The following CACUL1 variants were observed in gnomAD, a reference collection of about 807,000 sequenced individuals.
CACUL1 encodes CDK2 associated cullin domain 1.
In CACUL1, 13 loss-of-function variants were observed where a neutral mutation model predicts 45.2. The ratio of observed to expected loss-of-function variants is 0.29; its 90% confidence interval spans 0.19 to 0.46. The LOEUF (loss-of-function observed/expected upper bound fraction) is 0.46. Ranked by LOEUF, CACUL1 falls within the 20% of genes least tolerant of loss-of-function variation. CACUL1 has a pLI of 1.00. For missense variants in CACUL1, 421 were observed against 471.4 expected (o/e 0.89, Z 0.99); for synonymous variants, 197 against 174.2 (o/e 1.13, Z -1.03).
rs1348417988 is a variant in CACUL1, at chr10:118,678,308, T to A, written c.*7820A>T. ...CAATCAATGGTAGCCAAATTACTTA[T>A]CTACTGATAGTCTGCATTTTCTATC... On this transcript the variant is annotated 3_prime_UTR_variant, in exon 9 of 9. Coordinates refer to ENST00000369151, the MANE Select transcript of CACUL1 (RefSeq NM_153810.5). The A allele has an allele frequency of 6.6e-6, 1 of 152,248 alleles. No individual in the cohort carries two copies. The highest frequency in any genetic ancestry group is 1.5e-5 in the Non-Finnish European group (1 of 68,036). 9.4% of individuals were successfully genotyped at this position (152,248 alleles called of 1,614,324 possible).
intron 3 of CACUL1, chr10:118,726,205 C>T: frequency 1.4e-6 from 1 of 724,598 alleles, no homozygotes; most frequent in South Asian, 1.5e-5. Flanking sequence ...TGAAAACTGC[C>T]TTAAGGTCTC....
At chr10:118,731,947 G>T (rs1213286960) in intron 1 of CACUL1, among the ~76,000 whole-genome samples, 1 of 152,214 alleles carries the variant, frequency 6.6e-6, no homozygotes, top group Non-Finnish European at 1.5e-5. Flanking sequence ...GAATAAAGGA[G>T]TGTTTTGACT....
Position 118,729,367 on chromosome 10 carries a change from G to C in CACUL1, c.525C>G (p.His175Gln). 6.2e-7 allele frequency: 1 copy of C among 1,612,168 alleles called. No homozygotes were observed. The highest frequency in any genetic ancestry group is 8.5e-7 in the Non-Finnish European group (1 of 1,179,798). Residue 175 changes from histidine (H) to glutamine (Q), a missense_variant, in exon 3 of 9, where the codon CAC (histidine) becomes CAG (glutamine). This residue lies in a region of CACUL1 where 208 missense variants were observed against 298.4 expected (regional missense o/e 0.70). Coordinates refer to ENST00000369151, the MANE Select transcript of CACUL1 (RefSeq NM_153810.5). ...SCVYKCVCQQ[H>Q]SEQMYSDLIK... ...TCAGATCACTATACATCTGTTCCGA[G>C]TGCTGCTGGCATACACATTTATACA...
At chr10:118,751,568 T>C (rs577579086) in intron 1 of CACUL1, among the ~76,000 whole-genome samples, 1 of 152,292 alleles carries the variant, frequency 6.6e-6, no homozygotes, top group Non-Finnish European at 1.5e-5. Context: ...TGGTCTATTT[T>C]TCTGTTCTCG....
chr10:118,721,516 T>C (rs1589612103), intron 3 of CACUL1, among the ~76,000 whole-genome samples: 3 of 152,334 alleles, frequency 2.0e-5, no homozygotes, highest in East Asian at 3.9e-4. Context: ...AAAAGTGAAA[T>C]ACTTAAAACT....
chr10:118,691,140 G>A (rs892990736), intron 7 of CACUL1, 125 bp downstream of exon 7: 5 of 779,428 alleles, frequency 6.4e-6, no homozygotes, highest in African/African-American at 1.7e-5. Context: ...ATGTCTTCTT[G>A]CAGCAGCAAG....
chr10:118,743,420 A>G (rs190438123), intron 1 of CACUL1, among the ~76,000 whole-genome samples: 54 of 152,244 alleles, frequency 3.5e-4, no homozygotes, highest in African/African-American at 9.9e-4. Context: ...AGTACCCAGG[A>G]AAAAAAGGGG....
At chr10:118,722,157 C>G (rs971009932) in intron 3 of CACUL1, among the ~76,000 whole-genome samples, 1 of 151,224 alleles carries the variant, frequency 6.6e-6, no homozygotes, top group East Asian at 1.9e-4. Flanking sequence ...GATCTCGGCT[C>G]ACTGCAACCT....
At chr10:118,714,804 G>A (rs1845526149) in intron 3 of CACUL1, among the ~76,000 whole-genome samples, 1 of 152,006 alleles carries the variant, frequency 6.6e-6, no homozygotes, top group Non-Finnish European at 1.5e-5. Context: ...TTTCATCTGG[G>A]ACATTCTTAA....
intron 1 of CACUL1, among the ~76,000 whole-genome samples, chr10:118,731,481 C>A (rs1470038891): frequency 6.6e-6 from 1 of 152,156 alleles, no homozygotes; most frequent in African/African-American, 2.4e-5. Context: ...CAATCCACTT[C>A]TGTTATTTAA....
chr10:118,691,808 A>G (rs907407559), intron 6 of CACUL1, among the ~76,000 whole-genome samples: 1 of 140,674 alleles, frequency 7.1e-6, no homozygotes, highest in Non-Finnish European at 1.5e-5. Flanking sequence ...CGGAGCTTGC[A>G]GTGAGCCGAG....
intron 1 of CACUL1, among the ~76,000 whole-genome samples, chr10:118,733,660 T>C (rs1391046008): frequency 6.6e-6 from 1 of 152,246 alleles, no homozygotes; most frequent in Non-Finnish European, 1.5e-5. Flanking sequence ...CTAGATCCTC[T>C]TGTTAAGAGA....
chr10:118,721,119 A>G (rs951582854), intron 3 of CACUL1, among the ~76,000 whole-genome samples: 1 of 152,264 alleles, frequency 6.6e-6, no homozygotes, highest in African/African-American at 2.4e-5. Context: ...TACACTTTGT[A>G]GTACAAGAGA....
In CACUL1 at chr10:118,691,254, AAAC is replaced by A. The variant is rs1413703287; in HGVS notation, c.1025+8_1025+10del. 1 of 1,607,160 alleles carries A rather than the reference AAAC, an allele frequency of 6.2e-7. No individual in the cohort carries two copies. Among genetic ancestry groups the A allele is most frequent in the Admixed American group, 1.7e-5 (1 of 58,426 alleles). Reference sequence around the variant, plus strand: ...CATATTTGACCACTAAAGGAAAAAAAAACAACTTGCCTTGTAAAACCATTCTGT... The same window carrying A: ...CATATTTGACCACTAAAGGAAAAAAAAACTTGCCTTGTAAAACCATTCTGT... On this transcript the variant is annotated splice_region_variant and intron_variant, in intron 7 of 8. Transcript: ENST00000369151.
At chr10:118,749,840 G>A (rs1272447494) in intron 1 of CACUL1, among the ~76,000 whole-genome samples, 2 of 151,838 alleles carry the variant, frequency 1.3e-5, no homozygotes, top group Non-Finnish European at 2.9e-5. Context: ...AGTAGGGCTG[G>A]TGGACCCGTA....
intron 1 of CACUL1, among the ~76,000 whole-genome samples, chr10:118,751,704 T>G (rs1845899536): frequency 6.6e-6 from 1 of 152,194 alleles, no homozygotes; most frequent in African/African-American, 2.4e-5. Context: ...CCATATAAAT[T>G]TTAGACTTAG....
At chr10:118,690,157 C>T (rs1047375536) in intron 7 of CACUL1, among the ~76,000 whole-genome samples, 20 of 151,682 alleles carry the variant, frequency 1.3e-4, no homozygotes, top group Non-Finnish European at 1.9e-4. Context: ...AAAAATTAGC[C>T]GGGCGCGGTG....
chr10:118,700,279 C>T (rs963862941), intron 5 of CACUL1, among the ~76,000 whole-genome samples: 3 of 152,116 alleles, frequency 2.0e-5, no homozygotes, highest in Non-Finnish European at 2.9e-5. Context: ...TGATGTGTCA[C>T]ATAAGATAGG....
At chr10:118,719,165 T>C (rs1466540838) in intron 3 of CACUL1, among the ~76,000 whole-genome samples, 1 of 152,220 alleles carries the variant, frequency 6.6e-6, no homozygotes, top group Non-Finnish European at 1.5e-5. Flanking sequence ...AAACTATTTT[T>C]AAAAGAGTCA....
Sources: allele counts gnomAD v4.1 joint callset (sites outside exome capture counted in the v4.1 genomes callset), GRCh38; gene constraint gnomAD v4.1.1; regional missense constraint gnomAD v4.1.1; transcripts MANE v1.5; gene names NCBI Gene and HGNC (gene_info 2026-07-23, HGNC 2026-07-21).